The following MMP26 variants were observed in gnomAD, a reference collection of about 807,000 sequenced individuals.
The protein encoded by MMP26 is matrix metallopeptidase 26.
In MMP26, 33 loss-of-function variants were observed where a neutral mutation model predicts 31.0. That is an observed-to-expected ratio of 1.06 (90% CI 0.81 to 1.42). The LOEUF (loss-of-function observed/expected upper bound fraction) is 1.42. Ranked by LOEUF, MMP26 falls within the 40% of genes most tolerant of loss-of-function variation. The pLI, the probability that MMP26 is intolerant of heterozygous loss-of-function variation, is 0.00. For missense variants in MMP26, 347 were observed against 316.1 expected (o/e 1.10, Z -0.74); for synonymous variants, 122 against 114.9 (o/e 1.06, Z -0.40).
chr11:4,882,770 C>T, intron 2 of MMP26: 1 of 1,613,864 alleles, frequency 6.2e-7, no homozygotes, highest in Non-Finnish European at 8.5e-7. Flanking sequence ...TGTGCTGAAC[C>T]CTATCATTTA....
chr11:4,837,131 A>G (rs1260540692), intron 2 of MMP26, among the ~76,000 whole-genome samples: 1 of 152,150 alleles, frequency 6.6e-6, no homozygotes, highest in African/African-American at 2.4e-5. Flanking sequence ...TTATTTATTT[A>G]TTAGGTTGGT....
At chr11:4,915,623 G>T in intron 2 of MMP26, 1 of 1,613,822 alleles carries the variant, frequency 6.2e-7, no homozygotes, top group Non-Finnish European at 8.5e-7. Flanking sequence ...GAAGGTAGCA[G>T]AAACGCTGCT....
intron 2 of MMP26, among the ~76,000 whole-genome samples, chr11:4,852,679 A>G (rs138748198): frequency 1.5e-3 from 222 of 152,294 alleles, no homozygotes; most frequent in Middle Eastern, 0.01. Context: ...AAAATTGAAA[A>G]TAAAACCACC....
At chr11:4,778,683 A>G (rs117360601) in intron 2 of MMP26, among the ~76,000 whole-genome samples, 2 of 152,176 alleles carry the variant, frequency 1.3e-5, no homozygotes, top group East Asian at 1.9e-4. Flanking sequence ...GATTACATAT[A>G]TATGCCATTT....
At chr11:4,738,202 C>T (rs1158103015) in intron 1 of MMP26, among the ~76,000 whole-genome samples, 1 of 152,114 alleles carries the variant, frequency 6.6e-6, no homozygotes, top group Non-Finnish European at 1.5e-5. Context: ...TCCTTCTTAC[C>T]TCTCTTGCTG....
chr11:4,888,926 C>T (rs1850579508), intron 2 of MMP26, among the ~76,000 whole-genome samples: 1 of 152,144 alleles, frequency 6.6e-6, no homozygotes, highest in Admixed American at 6.6e-5. Context: ...GGGTGATATC[C>T]TTTAATCTTC....
chr11:4,763,056 T>G (rs1024188108), intron 1 of MMP26, among the ~76,000 whole-genome samples: 1 of 152,146 alleles, frequency 6.6e-6, no homozygotes, highest in Non-Finnish European at 1.5e-5. Context: ...ATATTATAAT[T>G]CCATTATAAG....
intron 2 of MMP26, chr11:4,938,024 CA>C (rs1846153762): frequency 6.6e-6 from 1 of 152,096 alleles, no homozygotes; most frequent in Non-Finnish European, 1.5e-5. Context: ...ATTTCATGGA[CA>C]TCAAATAGGA....
intron 2 of MMP26, among the ~76,000 whole-genome samples, chr11:4,974,910 C>A (rs1846715718): frequency 6.6e-6 from 1 of 152,034 alleles, no homozygotes; most frequent in Admixed American, 6.6e-5. Context: ...ACAAAGAGAA[C>A]ACATGGACAC....
intron 2 of MMP26, among the ~76,000 whole-genome samples, chr11:4,855,257 A>C (rs1184448957): frequency 2.8e-4 from 42 of 152,078 alleles, no homozygotes; most frequent in Admixed American, 2.7e-3. Context: ...GAAGATCAGT[A>C]ATAACAAACT....
intron 2 of MMP26, among the ~76,000 whole-genome samples, chr11:4,868,890 A>G (rs1018113415): frequency 1.3e-5 from 2 of 152,210 alleles, no homozygotes; most frequent in Non-Finnish European, 2.9e-5. Context: ...ATGGAACAGA[A>G]CAGAGCCCTC....
intron 2 of MMP26, among the ~76,000 whole-genome samples, chr11:4,884,547 C>G (rs1170354012): frequency 6.6e-6 from 1 of 152,088 alleles, no homozygotes; most frequent in East Asian, 1.9e-4. Context: ...GAGTATCATA[C>G]TATGGCAGAG....
chr11:4,723,982 G>A, intron 1 of MMP26: 2 of 733,772 alleles, frequency 2.7e-6, no homozygotes, highest in Non-Finnish European at 5.0e-6. Context: ...TGTGTCAGTG[G>A]TGATGCCTCC....
chr11:4,793,388 A>T (rs184156508), intron 2 of MMP26, among the ~76,000 whole-genome samples: 1 of 152,272 alleles, frequency 6.6e-6, no homozygotes, highest in East Asian at 1.9e-4. Context: ...AAAACGAGAG[A>T]CTTATAAATA....
At chr11:4,780,891 A>G (rs2133431533) in intron 2 of MMP26, among the ~76,000 whole-genome samples, 1 of 151,802 alleles carries the variant, frequency 6.6e-6, no homozygotes, top group South Asian at 2.1e-4. Context: ...ATAGGTAAAT[A>G]TGTATCTGTA....
At chr11:4,915,770 C>G in intron 2 of MMP26, 1 of 678,010 alleles carries the variant, frequency 1.5e-6, no homozygotes, top group Non-Finnish European at 2.5e-6. Context: ...AAAATAGAAT[C>G]AAATATACCT....
rs548380139 is a variant in MMP26 at position 4,738,773 on chromosome 11, G to A, written c.-216-28497G>A. Among the ~76,000 whole-genome samples, 246 of 151,552 alleles carry A rather than the reference G, an allele frequency of 1.6e-3. 1 individual carries two copies. Among genetic ancestry groups the A allele is most frequent in the African/African-American group, 2.0e-3 (84 of 41,340 alleles). On this transcript the variant is annotated intron_variant, in intron 1 of 7. Transcript: ENST00000380390. ...TTATGTCATTTGAATTTTTGAAAGC[G>A]TTCCTTCTATAAAATTAAACTAACC...
At chr11:4,888,278 T>C (rs116134356) in intron 2 of MMP26, among the ~76,000 whole-genome samples, 1 of 152,114 alleles carries the variant, frequency 6.6e-6, no homozygotes. Flanking sequence ...AAACAAATGA[T>C]TTTTACAGAA....
intron 2 of MMP26, among the ~76,000 whole-genome samples, chr11:4,931,900 A>G (rs1851352991): frequency 1.3e-5 from 2 of 152,082 alleles, no homozygotes; most frequent in Non-Finnish European, 2.9e-5. Flanking sequence ...AGGAAGCATG[A>G]GGATAGGGAG....
Sources: gnomAD v4.1 joint callset for allele counts (sites outside exome capture counted in the v4.1 genomes callset) on GRCh38, gnomAD v4.1.1 for gene constraint, MANE v1.5 for transcripts, NCBI Gene and HGNC (gene_info 2026-07-23, HGNC 2026-07-21) for gene names.